The following CCDC191 variants were observed in gnomAD, a reference collection of about 807,000 sequenced individuals.
CCDC191 encodes the protein coiled-coil domain containing 191.
A neutral mutation model predicts 114.0 loss-of-function variants in CCDC191; 99 were observed. The ratio of observed to expected loss-of-function variants is 0.87; its 90% CI spans 0.74 to 1.03. The LOEUF (loss-of-function observed/expected upper bound fraction) is 1.03, where lower values mean the gene tolerates loss of function less well. Ranked by LOEUF, CCDC191 falls within the 50% of genes least tolerant of loss-of-function variation. The pLI is 0.00. For missense variants in CCDC191, 973 were observed against 1,087.0 expected (o/e 0.90, Z 1.47); for synonymous variants, 351 against 376.0 (o/e 0.93, Z 0.77).
intron 16 of CCDC191, among the ~76,000 whole-genome samples, chr3:113,976,457 G>C (rs1397705294): frequency 6.6e-6 from 1 of 151,814 alleles, no homozygotes; most frequent in Non-Finnish European, 1.5e-5. Context: ...TTATTTCTTT[G>C]CCTGAAAAAT....
At chr3:114,006,988 T>C (rs573823857) in intron 9 of CCDC191, among the ~76,000 whole-genome samples, 12 of 152,232 alleles carry the variant, frequency 7.9e-5, no homozygotes, top group African/African-American at 2.9e-4. Context: ...ATTTGGAAGC[T>C]CAGGATCACT....
chr3:113,964,839 T>G lies in CCDC191; in HGVS notation c.*316A>C, dbSNP rs923961714. On this transcript the variant is annotated 3_prime_UTR_variant, in exon 17 of 17. Transcript: ENST00000295878. ...TCCTGTCGTGCTATACGGACACATT[T>G]TCTTCACAGGCTCAGTCAGGCAAAC... The G allele has an allele frequency of 1.1e-5, 2 of 174,136 alleles. No individual in the cohort carries two copies. Among genetic ancestry groups the G allele is most frequent in the African/African-American group, 4.7e-5 (2 of 42,396 alleles). The allele number at this position is 174,136 out of a possible 1,614,324, so 10.8% of individuals were successfully genotyped here.
chr3:113,978,520 C>T, intron 15 of CCDC191, 189 bp from the exon 16 acceptor site: 1 of 633,302 alleles, frequency 1.6e-6, no homozygotes, highest in East Asian at 2.8e-5. Context: ...GGTAAGAGAA[C>T]ACATGAATAG....
At chr3:113,990,931 C>CAAAAA (rs35483860) in intron 13 of CCDC191, among the ~76,000 whole-genome samples, 6 of 47,622 alleles carry the variant, frequency 1.3e-4, no homozygotes, top group East Asian at 1.2e-3. Flanking sequence ...TAAAGCACCT[C>CAAAAA]AAAAAAAAAA....
chr3:113,976,738 A>AGAT (rs1356790951), intron 16 of CCDC191, among the ~76,000 whole-genome samples: 2 of 151,906 alleles, frequency 1.3e-5, no homozygotes, highest in East Asian at 3.8e-4. Context: ...TCCATAAGAT[A>AGAT]GATAGATAGG....
At chr3:113,969,436 T>C (rs140103022) in intron 16 of CCDC191, among the ~76,000 whole-genome samples, 42 of 152,324 alleles carry the variant, frequency 2.8e-4, no homozygotes, top group African/African-American at 1.0e-3. Context: ...ACCAGTGGCC[T>C]GGAGCATTGT....
At position 114,005,594 on chromosome 3, in the gene CCDC191, C is replaced by T. The variant is rs748517702; in HGVS notation, c.1782G>A (p.Glu594=). Residue 594 remains glutamate, a synonymous_variant, in exon 10 of 17, where the codon GAG becomes GAA. Transcript: ENST00000295878. ...GTGCTTCTGTGACTGCTAAGGCATG[C>T]TCTGCTGCCCACTGAGCCTCTGCCA... ...LQLAEAQWAA[E]HALAVTEAQS... 1.9e-6 allele frequency: 3 copies of T among 1,614,184 alleles called. No homozygotes were observed. Among genetic ancestry groups the T allele is most frequent in the Non-Finnish European group, 2.5e-6 (3 of 1,180,002 alleles).
Position 114,004,731 on chromosome 3 carries a change from G to A in CCDC191, c.1884C>T (p.Ser628=). The part of the protein sequence containing the change: ...CQMLVNSPVA[S]PGTEGRSDSR... The stretch of plus-strand genomic sequence containing the variant: ...AGTCACTTCTGCCTTCAGTCCCAGG[G>A]GAAGCAACAGGTGAACTAGGGAAAA... The change falls in exon 11 of 17, where the codon TCC becomes TCT. Residue 628 remains serine (S), a synonymous_variant. Coordinates refer to ENST00000295878, the MANE Select transcript of CCDC191 (RefSeq NM_020817.2). 3 of 1,609,912 alleles carry A rather than the reference G, an allele frequency of 1.9e-6. No homozygotes were observed. The highest frequency in any genetic ancestry group is 2.5e-6 in the Non-Finnish European group (3 of 1,178,514).
At chr3:114,044,195 G>A (rs894671733) in intron 3 of CCDC191, among the ~76,000 whole-genome samples, 10 of 152,140 alleles carry the variant, frequency 6.6e-5, no homozygotes, top group African/African-American at 2.2e-4. Flanking sequence ...GGTAGACACA[G>A]AGGAGGTTCA....
In CCDC191 at chr3:114,001,500, G is replaced by A. The variant is rs532512078; in HGVS notation, c.2163+95C>T. 6.0e-6 allele frequency: 9 copies of A among 1,499,426 alleles called. 1 individual carries two copies. The African/African-American group carries it at 8.4e-5, about 14-fold the overall frequency. 92.9% of individuals were successfully genotyped at this position (1,499,426 alleles called of 1,614,324 possible). ...GTGAGGGTGAGAGAAGAGTATTCCA[G>A]ATAGAAGTTCTGGGTTAAAGAAGGT... On this transcript the variant is annotated intron_variant, in intron 13 of 16. Transcript: ENST00000295878.
intron 13 of CCDC191, among the ~76,000 whole-genome samples, chr3:113,994,742 C>T (rs974765392): frequency 6.6e-6 from 1 of 152,114 alleles, no homozygotes; most frequent in East Asian, 1.9e-4. Context: ...TGTCACCACA[C>T]CCGGCTAATT....
intron 13 of CCDC191, among the ~76,000 whole-genome samples, chr3:113,990,327 T>C (rs2075514969): frequency 6.6e-6 from 1 of 152,100 alleles, no homozygotes; most frequent in Non-Finnish European, 1.5e-5. Flanking sequence ...CCAAGAGACT[T>C]GAAAACTTAG....
chr3:114,016,717 TTTTATA>T (rs1406153000), intron 8 of CCDC191, among the ~76,000 whole-genome samples: 4 of 152,214 alleles, frequency 2.6e-5, no homozygotes, highest in Admixed American at 2.0e-4. Context: ...TATTTAGTGC[TTTTATA>T]TTTAAAGTTT....
upstream of CCDC191, chr3:114,056,564 C>T: frequency 3.1e-6 from 5 of 1,604,254 alleles, no homozygotes; most frequent in Non-Finnish European, 4.2e-6. Flanking sequence ...TTCCTCCGCC[C>T]GCAAGGAAAG....
Position 114,031,699 on chromosome 3 carries a change from T to C in CCDC191, c.899A>G (p.Glu300Gly). The C allele has an allele frequency of 6.3e-7, 1 of 1,586,672 alleles. No homozygotes were observed. The highest frequency in any genetic ancestry group is 8.7e-7 in the Non-Finnish European group (1 of 1,155,306). The change falls in exon 7 of 17, where the codon GAG becomes GGG. Residue 300 changes from glutamate to glycine, a missense_variant. Transcript: ENST00000295878. ...TTTTCTTTCCTTCACCATTTTTTCC[T>C]CATCTGGAAGAATGTGAGTACTTTG... ...MFQSTHILPDEEKMVKERKRK... is the reference protein window; with the variant it reads ...MFQSTHILPDGEKMVKERKRK...
intron 11 of CCDC191, 51 bp downstream of exon 11, chr3:114,004,586 C>T (rs1273669113): frequency 1.9e-6 from 3 of 1,592,566 alleles, no homozygotes; most frequent in Non-Finnish European, 2.6e-6. Flanking sequence ...ACACATTCTA[C>T]TCTAGGAGAG....
At chr3:114,021,183 C>T (rs538360540) in intron 7 of CCDC191, among the ~76,000 whole-genome samples, 110 of 152,090 alleles carry the variant, frequency 7.2e-4, no homozygotes, top group African/African-American at 2.5e-3. Flanking sequence ...CATAACTTAC[C>T]GTGGTAGAAA....
At chr3:114,047,792 C>T (rs751491700) in intron 2 of CCDC191, among the ~76,000 whole-genome samples, 8 of 151,546 alleles carry the variant, frequency 5.3e-5, no homozygotes, top group Non-Finnish European at 7.4e-5. Context: ...CTGGCCAACA[C>T]GGTGAAACCC....
At chr3:114,009,977 A>AAAAAAAG (rs1016958955) in intron 9 of CCDC191, among the ~76,000 whole-genome samples, 4 of 152,154 alleles carry the variant, frequency 2.6e-5, no homozygotes, top group Non-Finnish European at 5.9e-5. Context: ...CGGAACTTAA[A>AAAAAAAG]AAAAAAGAGC....
Sources: allele counts gnomAD v4.1 joint callset (sites outside exome capture counted in the v4.1 genomes callset), GRCh38; gene constraint gnomAD v4.1.1; transcripts MANE v1.5; gene names NCBI Gene and HGNC (gene_info 2026-07-23, HGNC 2026-07-21).